TAF3: variants seen among roughly 807,000 people sequenced by gnomAD.
TAF3 encodes TATA-box binding protein associated factor 3.
Under a neutral mutation model 80.6 loss-of-function variants are expected in TAF3, and 7 were observed. The observed-to-expected ratio is 0.09, with a 90% CI of 0.05 to 0.16. The LOEUF (loss-of-function observed/expected upper bound fraction) is 0.16, where lower values mean the gene tolerates loss of function less well. TAF3 is among the 10% of genes least tolerant of loss of function. The pLI, the probability that TAF3 is intolerant of heterozygous loss-of-function variation, is 1.00. For missense variants in TAF3, 921 were observed against 1,140.2 expected (o/e 0.81, Z 2.77); for synonymous variants, 444 against 446.1 (o/e 1.00, Z 0.06).
intron 2 of TAF3, among the ~76,000 whole-genome samples, chr10:7,828,799 C>T (rs904386460): frequency 4.0e-5 from 6 of 151,810 alleles, no homozygotes; most frequent in South Asian, 2.1e-4. Context: ...TTTGGGAGGC[C>T]GAGGTGGGCG....
chr10:7,919,520 C>T (rs773116566), intron 2 of TAF3, among the ~76,000 whole-genome samples: 2 of 152,114 alleles, frequency 1.3e-5, no homozygotes, highest in Non-Finnish European at 2.9e-5. Context: ...AATATGCATA[C>T]AGAGCACCAG....
intron 4 of TAF3, among the ~76,000 whole-genome samples, chr10:8,001,253 A>G (rs1405948150): frequency 6.6e-6 from 1 of 152,154 alleles, no homozygotes; most frequent in Non-Finnish European, 1.5e-5. Flanking sequence ...TGGACCAACC[A>G]TCTCTCCCTT....
chr10:7,917,359 G>A (rs1222380444), intron 2 of TAF3, among the ~76,000 whole-genome samples: 1 of 152,192 alleles, frequency 6.6e-6, no homozygotes, highest in Non-Finnish European at 1.5e-5. Flanking sequence ...TCAGGCACGA[G>A]GAACAGCAAG....
At chr10:7,861,211 G>A (rs1263331865) in intron 2 of TAF3, among the ~76,000 whole-genome samples, 4 of 152,182 alleles carry the variant, frequency 2.6e-5, no homozygotes, top group Middle Eastern at 3.4e-3. Flanking sequence ...TGATCCGCCC[G>A]TCTTGGCCTC....
intron 2 of TAF3, among the ~76,000 whole-genome samples, chr10:7,837,807 G>A (rs765191339): frequency 6.6e-6 from 1 of 151,992 alleles, no homozygotes; most frequent in East Asian, 1.9e-4. Context: ...TGACAGAGTG[G>A]GACCCTGTCT....
chr10:7,949,536 C>G (rs1365804224), intron 2 of TAF3, among the ~76,000 whole-genome samples: 1 of 152,178 alleles, frequency 6.6e-6, no homozygotes, highest in Middle Eastern at 3.2e-3. Flanking sequence ...TTTAGAATGT[C>G]CACTTTCATG....
rs58358249 is a variant in TAF3, at chr10:7,998,265, G to GTATA, written c.2316-10796_2316-10793dup. Among the ~76,000 whole-genome samples, 1,292 of 132,986 alleles carry GTATA rather than the reference G, an allele frequency of 9.7e-3. 22 individuals carry two copies. Among genetic ancestry groups the GTATA allele is most frequent in the African/African-American group, 0.036 (1,232 of 34,158 alleles). 87.2% of individuals were successfully genotyped at this position (132,986 alleles called of 152,430 possible). On this transcript the variant is annotated intron_variant, in intron 4 of 6. Transcript: ENST00000344293. ...ACTATATATATATATATATATATATGTATATATATATATATATATAAATTT... is the reference window on the plus strand; with the variant it reads ...ACTATATATATATATATATATATATGTATATATATATATATATATATATAAATTT...
At chr10:7,959,013 G>A (rs1838163777) in intron 2 of TAF3, among the ~76,000 whole-genome samples, 1 of 152,032 alleles carries the variant, frequency 6.6e-6, no homozygotes, top group South Asian at 2.1e-4. Context: ...GGTGACGGGC[G>A]CCTGTAGTCT....
Position 7,965,060 on chromosome 10 carries a change from C to G in TAF3, c.1550C>G (p.Ser517Cys). Reference protein sequence around the residue: ...KVYEEKTKLPSSVEVKKKLKK... With the variant: ...KVYEEKTKLPCSVEVKKKLKK... ...TATGAGGAGAAAACCAAGCTGCCTT[C>G]CTCCGTGGAGGTAAAGAAGAAGTTG... Residue 517 changes from serine (S) to cysteine (C), a missense_variant, in exon 3 of 7, where the codon TCC becomes TGC. Ser to Cys is a moderately radical substitution (Grantham distance 112). This residue lies in a region of TAF3 where 743 missense variants were observed against 821.0 expected (regional missense o/e 0.90). Transcript: ENST00000344293. 1 of 1,613,964 alleles carries G rather than the reference C, an allele frequency of 6.2e-7. No homozygotes were observed. The highest frequency in any genetic ancestry group is 2.2e-5 in the East Asian group (1 of 44,870).
intron 4 of TAF3, among the ~76,000 whole-genome samples, chr10:8,001,670 A>G (rs1375815134): frequency 6.6e-6 from 1 of 152,234 alleles, no homozygotes; most frequent in Middle Eastern, 3.4e-3. Flanking sequence ...AAAAACATCT[A>G]TATTTACTTA....
At chr10:7,963,547 T>G (rs1392376422) in intron 2 of TAF3, among the ~76,000 whole-genome samples, 3 of 152,222 alleles carry the variant, frequency 2.0e-5, no homozygotes, top group African/African-American at 4.8e-5. Flanking sequence ...AATTTCCTTT[T>G]TTTTTTAGAA....
rs1175082573 is a variant in TAF3 at position 7,964,884 on chromosome 10, A to G, written c.1374A>G (p.Ser458=). ...STPLPLSGGT[S]SSDNSWTMDA... is the part of the protein sequence containing the mutation. ...CTCTGCCTCTTTCCGGTGGAACCTC[A>G]AGTTCCGATAACTCATGGACAATGG... The change falls in exon 3 of 7, where the codon TCA becomes TCG. Residue 458 remains serine (S), a synonymous_variant. Coordinates refer to ENST00000344293, the MANE Select transcript of TAF3 (RefSeq NM_031923.4). The surrounding 1 kb of genome is among the most constrained non-coding windows in gnomAD (Gnocchi z 4.1). The G allele has an allele frequency of 4.3e-6, 7 of 1,614,042 alleles. No individual in the cohort carries two copies. The South Asian group carries it at 5.5e-5, about 13-fold the overall frequency.
intron 2 of TAF3, among the ~76,000 whole-genome samples, chr10:7,900,737 A>T (rs1487290291): frequency 1.3e-5 from 2 of 152,234 alleles, no homozygotes; most frequent in Non-Finnish European, 2.9e-5. Context: ...GGGAGGTTAC[A>T]TAAGGAAGGT....
At chr10:7,962,511 G>C (rs1299776825) in intron 2 of TAF3, among the ~76,000 whole-genome samples, 1 of 152,154 alleles carries the variant, frequency 6.6e-6, no homozygotes, top group East Asian at 1.9e-4. Context: ...CCTAGGATCT[G>C]GATGCAATTT....
intron 2 of TAF3, among the ~76,000 whole-genome samples, chr10:7,934,738 C>T (rs1417790861): frequency 6.6e-6 from 1 of 152,118 alleles, no homozygotes; most frequent in African/African-American, 2.4e-5. Context: ...AGCCACTGCA[C>T]CCCACCTCCC....
chr10:7,978,519 C>T (rs535780794), intron 4 of TAF3, among the ~76,000 whole-genome samples: 67 of 152,244 alleles, frequency 4.4e-4, no homozygotes, highest in Non-Finnish European at 7.1e-4. Context: ...TTACTCTTTT[C>T]GGTTGTGCCA....
At chr10:7,831,948 A>G (rs1836805291) in intron 2 of TAF3, among the ~76,000 whole-genome samples, 1 of 151,830 alleles carries the variant, frequency 6.6e-6, no homozygotes, top group Non-Finnish European at 1.5e-5. Context: ...GGGGGGTGCA[A>G]AGCGATGTTA....
intron 2 of TAF3, among the ~76,000 whole-genome samples, chr10:7,901,386 G>T (rs1284624030): frequency 6.6e-6 from 1 of 152,122 alleles, no homozygotes; most frequent in Admixed American, 6.6e-5. Flanking sequence ...TAAAAACAAA[G>T]AAATTAATTA....
At chr10:7,994,252 C>CAT (rs888948489) in intron 4 of TAF3, among the ~76,000 whole-genome samples, 2 of 152,002 alleles carry the variant, frequency 1.3e-5, no homozygotes, top group African/African-American at 4.8e-5. Flanking sequence ...GTTTATCTTG[C>CAT]ATATTTCCTG....
Sources: allele counts gnomAD v4.1 joint callset (sites outside exome capture counted in the v4.1 genomes callset), GRCh38; gene constraint gnomAD v4.1.1; regional missense constraint gnomAD v4.1.1; non-coding constraint Gnocchi (gnomAD v3.1); transcripts MANE v1.5; gene names NCBI Gene and HGNC (gene_info 2026-07-23, HGNC 2026-07-21).